Variants in HLA-DOA observed in about 807,000 individuals in gnomAD.
The protein encoded by HLA-DOA is HLA class II histocompatibility antigen, DO alpha chain.
HLA-DOA carries 27 observed loss-of-function variants against 22.9 expected under a neutral mutation model. That is an observed-to-expected ratio of 1.18 (90% CI 0.87 to 1.62). HLA-DOA has a LOEUF of 1.62. HLA-DOA is among the 40% of genes most tolerant of loss of function. The probability of loss-of-function intolerance (pLI) is 0.00; values close to 1 mark genes in which losing one functional copy is unlikely to be tolerated. For missense variants in HLA-DOA, 324 were observed against 332.4 expected, an observed-to-expected ratio of 0.97 and a Z score of 0.20; for synonymous variants, 137 against 138.6, an observed-to-expected ratio of 0.99 and a Z score of 0.08.
chr6:33,007,271 A>G (rs767112384), intron 3 of HLA-DOA, 40 bp downstream of exon 3: 1 of 1,613,250 alleles, frequency 6.2e-7, no homozygotes, highest in Non-Finnish European at 8.5e-7. Flanking sequence ...AGTAAAGGAA[A>G]CCTGGGGCCA....
chr6:33,005,972 T>C lies in HLA-DOA; in HGVS notation c.*866A>G, dbSNP rs1283020814. 4 of 152,260 alleles carry C rather than the reference T, an allele frequency of 2.6e-5. No individual in the cohort carries two copies. The highest frequency in any genetic ancestry group is 5.9e-5 in the Non-Finnish European group (4 of 68,040). 9.4% of individuals were successfully genotyped at this position (152,260 alleles called of 1,614,324 possible). A position where few individuals can be genotyped will look rare whatever the true frequency, so the allele number is the denominator to read the frequency against. ...TGTATTGCTCATTTTGGTCCTGACA[T>C]AAACTATGTGGTATGGTGATTTATC... On this transcript the variant is annotated 3_prime_UTR_variant, in exon 5 of 5. Coordinates refer to ENST00000229829, the MANE Select transcript of HLA-DOA (RefSeq NM_002119.4).
Position 33,009,533 on chromosome 6 carries a change from C to T in HLA-DOA, c.4G>A (p.Ala2Thr), listed in dbSNP as rs756060434. 6 of 1,600,442 alleles carry T rather than the reference C, an allele frequency of 3.7e-6. No individual in the cohort carries two copies. Among genetic ancestry groups the T allele is most frequent in the Non-Finnish European group, 5.1e-6 (6 of 1,174,678 alleles). The change falls in exon 1 of 5, where the codon GCC (alanine) becomes ACC (threonine). Residue 2 changes from alanine to threonine, a missense_variant. By Grantham distance (58) the Ala-to-Thr change is moderately conservative. Transcript: ENST00000229829. This position sits in a 1 kb window ranked among gnomAD's most constrained non-coding sequence, Gnocchi z 4.8. ...CCCAGGACCAGCCCTGCTCTGAGGG[C>T]CATTACACTCTGGTGCTTTAATCAA... is the stretch of plus-strand genomic sequence containing the variant. M[A>T]LRAGLVLGFH... is the part of the protein sequence containing the mutation.
Position 33,008,043 on chromosome 6 carries a change from C to A in HLA-DOA, c.301G>T (p.Glu101Ter). The part of the protein sequence containing the change: ...AIKAHLDILV[E>*]RSNRSRAINV... ...ATGGCTCTGCTGCGGTTGGAGCGCTCCACCAGGATGTCCAGATGGGCTTTG... is the reference window on the plus strand; with the variant it reads ...ATGGCTCTGCTGCGGTTGGAGCGCTACACCAGGATGTCCAGATGGGCTTTG... Residue 101 changes from glutamate (E) to a stop codon, truncating the protein, a stop_gained, in exon 2 of 5, where the codon GAG becomes TAG. Transcript: ENST00000229829. LOFTEE classifies it high-confidence loss of function. 6.2e-7 allele frequency: 1 copy of A among 1,612,932 alleles called. No homozygotes were observed. The highest frequency in any genetic ancestry group is 1.1e-5 in the South Asian group (1 of 91,054).
At position 33,009,127 on chromosome 6, in the gene HLA-DOA, A is replaced by T. The variant is rs1196181972; in HGVS notation, c.82+328T>A. Reference sequence around the variant, plus strand: ...AACAGAACTGGACTTGATCGGGCACATTCCCGGCCAGGGGTGGTAGAGAAA... The same window carrying T: ...AACAGAACTGGACTTGATCGGGCACTTTCCCGGCCAGGGGTGGTAGAGAAA... On this transcript the variant is annotated intron_variant, in intron 1 of 4. Transcript: ENST00000229829. This position sits in a 1 kb window ranked among gnomAD's most constrained non-coding sequence, Gnocchi z 4.8. Among the ~76,000 whole-genome samples the T allele has an allele frequency of 6.6e-6, 1 of 152,176 alleles. No individual in the cohort carries two copies. The highest frequency in any genetic ancestry group is 2.4e-5 in the African/African-American group (1 of 41,434).
chr6:33,007,237 T>C (rs399604), intron 3 of HLA-DOA, 22 bp from the exon 4 acceptor site: 674,774 of 1,612,856 alleles, frequency 0.42, 143,870 homozygotes, highest in East Asian at 0.48. Flanking sequence ...AGGAAGGAGT[T>C]GGTGGTATAT....
rs1780745022 is a variant in HLA-DOA at position 33,004,798 on chromosome 6, A to G, written c.*2040T>C. ...CATGGCTATATTGCAAATATCCTAT[A>G]CTTTGCATGTGATCACACAAAGAGG... On this transcript the variant is annotated 3_prime_UTR_variant, in exon 5 of 5. Transcript: ENST00000229829. 6.6e-6 allele frequency: 1 copy of G among 152,166 alleles called. No homozygotes were observed. The highest frequency in any genetic ancestry group is 2.1e-4 in the South Asian group (1 of 4,822). The allele number at this position is 152,166 out of a possible 1,614,324, so 9.4% of individuals were successfully genotyped here. A position where few individuals can be genotyped will look rare whatever the true frequency, so the allele number is the denominator to read the frequency against.
intron 4 of HLA-DOA, 116 bp from the exon 5 acceptor site, chr6:33,006,957 T>A: frequency 6.8e-7 from 1 of 1,474,726 alleles, no homozygotes; most frequent in Non-Finnish European, 9.4e-7. Flanking sequence ...CTGCTTCTTT[T>A]CTCCCTGCCC....
rs1482558574 is a variant in HLA-DOA, at chr6:33,006,525, C to A, written c.*313G>T. ...ATCCCCAGCACCACATGCCTCACCC[C>A]TGGAAGAACTGGCCAAGGCCTGGAA... is the stretch of plus-strand genomic sequence containing the variant. On this transcript the variant is annotated 3_prime_UTR_variant, in exon 5 of 5. Transcript: ENST00000229829. 2 of 556,334 alleles carry A rather than the reference C, an allele frequency of 3.6e-6. No homozygotes were observed. Among genetic ancestry groups the A allele is most frequent in the Non-Finnish European group, 6.4e-6 (2 of 310,838 alleles). 34.5% of individuals were successfully genotyped at this position (556,334 alleles called of 1,614,324 possible). A position where few individuals can be genotyped will look rare whatever the true frequency, so the allele number is the denominator to read the frequency against.
rs1367348721 is a variant in HLA-DOA at position 33,008,022 on chromosome 6, C to T, written c.322G>A (p.Ala108Thr). The change falls in exon 2 of 5, where the codon GCC becomes ACC. Residue 108 changes from alanine (A) to threonine (T), a missense_variant. Coordinates refer to ENST00000229829, the MANE Select transcript of HLA-DOA (RefSeq NM_002119.4). ...ILVERSNRSR[A>T]INVPPRVTVL... is the part of the protein sequence containing the mutation. ...GAGGGAGGGCCGGTACCGTTGATGG[C>T]TCTGCTGCGGTTGGAGCGCTCCACC... 11 of 1,612,222 alleles carry T rather than the reference C, an allele frequency of 6.8e-6. No individual in the cohort carries two copies. Among genetic ancestry groups the T allele is most frequent in the African/African-American group, 1.3e-5 (1 of 74,934 alleles).
Position 33,006,448 on chromosome 6 carries a change from A to G in HLA-DOA, c.*390T>C. 2.7e-6 allele frequency: 1 copy of G among 374,066 alleles called. No homozygotes were observed. The highest frequency in any genetic ancestry group is 4.2e-5 in the South Asian group (1 of 23,832). The allele number at this position is 374,066 out of a possible 1,614,324, so 23.2% of individuals were successfully genotyped here. A position where few individuals can be genotyped will look rare whatever the true frequency, so the allele number is the denominator to read the frequency against. On this transcript the variant is annotated 3_prime_UTR_variant, in exon 5 of 5. Coordinates refer to ENST00000229829, the MANE Select transcript of HLA-DOA (RefSeq NM_002119.4). ...ATGGCTCATTCACAAAGTAACACAC[A>G]ATGGGCCAAATGGAGCAAGACACAC...
At position 33,009,580 on chromosome 6, in the gene HLA-DOA, G is replaced by A. The variant is rs757826657; in HGVS notation, c.-44C>T. On this transcript the variant is annotated 5_prime_UTR_variant, in exon 1 of 5. Coordinates refer to ENST00000229829, the MANE Select transcript of HLA-DOA (RefSeq NM_002119.4). This position sits in a 1 kb window ranked among gnomAD's most constrained non-coding sequence, Gnocchi z 4.8. ...TCAAATCAGTCTCAGTCCGTGTGGT[G>A]AGGACAGGAACAAGGCGGAGGTAAA... 3 of 1,464,072 alleles carry A rather than the reference G, an allele frequency of 2.0e-6. No homozygotes were observed. The highest frequency in any genetic ancestry group is 1.9e-6 in the Non-Finnish European group (2 of 1,078,116). 90.7% of individuals were successfully genotyped at this position (1,464,072 alleles called of 1,614,324 possible).
In HLA-DOA at chr6:33,008,261, G is replaced by T; in HGVS notation, c.83C>A (p.Ala28Asp). 1 of 1,612,450 alleles carries T rather than the reference G, an allele frequency of 6.2e-7. No homozygotes were observed. The highest frequency in any genetic ancestry group is 8.5e-7 in the Non-Finnish European group (1 of 1,179,824). ...LSPQEAGATK[A>D]DHMGSYGPAF... ...GGGTCCGTAGGAGCCCATGTGGTCA[G>T]CTGTGTTTGGCGAGTTCAGGGTCAA... The change falls in exon 2 of 5, where the codon GCT becomes GAT. Residue 28 changes from alanine to aspartate, a missense_variant and splice_region_variant. Ala to Asp is a moderately radical substitution (Grantham distance 126). Coordinates refer to ENST00000229829, the MANE Select transcript of HLA-DOA (RefSeq NM_002119.4).
Position 33,006,452 on chromosome 6 carries a change from G to C in HLA-DOA, c.*386C>G, listed in dbSNP as rs1028917136. On this transcript the variant is annotated 3_prime_UTR_variant, in exon 5 of 5. Coordinates refer to ENST00000229829, the MANE Select transcript of HLA-DOA (RefSeq NM_002119.4). ...CTCATTCACAAAGTAACACACAATG[G>C]GCCAAATGGAGCAAGACACACCTGT... The C allele has an allele frequency of 1.6e-5, 6 of 382,266 alleles. No individual in the cohort carries two copies. The Admixed American group carries it at 2.2e-4, about 14-fold the overall frequency. The allele number at this position is 382,266 out of a possible 1,614,324, so 23.7% of individuals were successfully genotyped here.
rs541884947 is a variant in HLA-DOA, at chr6:33,007,869, T to C, written c.331+144A>G. ...GGTGCCAAAGGGGTCTGGGAAGACCTGGAGCCTCCTGGGAAAGAAAGGAAC... is the reference window on the plus strand; with the variant it reads ...GGTGCCAAAGGGGTCTGGGAAGACCCGGAGCCTCCTGGGAAAGAAAGGAAC... On this transcript the variant is annotated intron_variant, in intron 2 of 4. Coordinates refer to ENST00000229829, the MANE Select transcript of HLA-DOA (RefSeq NM_002119.4). The C allele has an allele frequency of 1.1e-5, 13 of 1,185,436 alleles. No individual in the cohort carries two copies. The Admixed American group carries it at 2.0e-4, about 18-fold the overall frequency. The allele number at this position is 1,185,436 out of a possible 1,614,324, so 73.4% of individuals were successfully genotyped here.
chr6:33,007,236 T>C, intron 3 of HLA-DOA, 21 bp from the exon 4 acceptor site: 1 of 1,612,438 alleles, frequency 6.2e-7, no homozygotes, highest in Non-Finnish European at 8.5e-7. Flanking sequence ...AAGGAAGGAG[T>C]TGGTGGTATA....
chr6:33,006,941 C>T, intron 4 of HLA-DOA, 100 bp from the exon 5 acceptor site: 1 of 1,446,336 alleles, frequency 6.9e-7, no homozygotes. Flanking sequence ...CTCTCTCACC[C>T]CACCTCTGCT....
chr6:33,008,362 G>A, intron 1 of HLA-DOA, 101 bp from the exon 2 acceptor site: 1 of 1,526,460 alleles, frequency 6.6e-7, no homozygotes, highest in East Asian at 2.3e-5. Flanking sequence ...CCCGTCCTGG[G>A]TTCTGTGTGG....
chr6:33,007,867 C>T lies in HLA-DOA; in HGVS notation c.331+146G>A, dbSNP rs1562012260. 3.4e-6 allele frequency: 4 copies of T among 1,166,636 alleles called. No individual in the cohort carries two copies. The East Asian group carries it at 9.6e-5, about 28-fold the overall frequency. The allele number at this position is 1,166,636 out of a possible 1,614,324, so 72.3% of individuals were successfully genotyped here. ...GGGGTGCCAAAGGGGTCTGGGAAGA[C>T]CTGGAGCCTCCTGGGAAAGAAAGGA... On this transcript the variant is annotated intron_variant, in intron 2 of 4. Transcript: ENST00000229829.
At position 33,005,169 on chromosome 6, in the gene HLA-DOA, G is replaced by GGCT. The variant is rs1485965998; in HGVS notation, c.*1666_*1668dup. The GGCT allele has an allele frequency of 1.3e-5, 2 of 152,332 alleles. No individual in the cohort carries two copies. Among genetic ancestry groups the GGCT allele is most frequent in the East Asian group, 3.9e-4 (2 of 5,182 alleles). 9.4% of individuals were successfully genotyped at this position (152,332 alleles called of 1,614,324 possible). On this transcript the variant is annotated 3_prime_UTR_variant, in exon 5 of 5. Coordinates refer to ENST00000229829, the MANE Select transcript of HLA-DOA (RefSeq NM_002119.4). ...CCAGACCACAGCCAAGGTCCAGGATGGCTGCATCAGAGTCATCCAGAGCCG... is the reference window on the plus strand; with the variant it reads ...CCAGACCACAGCCAAGGTCCAGGATGGCTGCTGCATCAGAGTCATCCAGAGCCG...
Sources: allele counts gnomAD v4.1 joint callset (sites outside exome capture counted in the v4.1 genomes callset), GRCh38; gene constraint gnomAD v4.1.1; non-coding constraint Gnocchi (gnomAD v3.1); transcripts MANE v1.5; gene names NCBI Gene and HGNC (gene_info 2026-07-23, HGNC 2026-07-21).